The following PLXNA4 variants were observed in gnomAD, a reference collection of about 807,000 sequenced individuals.
PLXNA4 encodes plexin A4.
In PLXNA4, 44 loss-of-function variants were observed where a neutral mutation model predicts 191.8. The ratio of observed to expected loss-of-function variants is 0.23; its 90% CI spans 0.18 to 0.29. PLXNA4 has a LOEUF of 0.29. Ranked by LOEUF, PLXNA4 falls within the 10% of genes least tolerant of loss-of-function variation. The pLI is 1.00. For missense variants in PLXNA4, 1,800 were observed against 2,488.8 expected (o/e 0.72, Z 5.89); for synonymous variants, 1,082 against 1,009.5 (o/e 1.07, Z -1.36).
intron 3 of PLXNA4, among the ~76,000 whole-genome samples, chr7:132,344,907 C>T (rs1803183794): frequency 6.6e-6 from 1 of 152,108 alleles, no homozygotes. Flanking sequence ...TTTCCCCACC[C>T]CAGTAAGAGG....
chr7:132,347,569 G>A (rs1439014521), intron 3 of PLXNA4, among the ~76,000 whole-genome samples: 9 of 152,186 alleles, frequency 5.9e-5, no homozygotes, highest in Admixed American at 6.5e-5. Context: ...CCAAAAAGCC[G>A]TCCAAAATCG....
Position 132,181,546 on chromosome 7 carries a change from T to G in PLXNA4, c.3327A>C (p.Ser1109=), listed in dbSNP as rs1562903837. ...PALALGPDHQ[S]DLTERPEEFG... ...ACTCCTCGGGCCTCTCGGTCAGGTC[T>G]GACTGGTGGTCAGGACCCAGAGCGA... The change falls in exon 18 of 32, where the codon TCA becomes TCC. Residue 1109 remains serine, a synonymous_variant. Coordinates refer to ENST00000321063, the MANE Select transcript of PLXNA4 (RefSeq NM_020911.2). 6.2e-7 allele frequency: 1 copy of G among 1,614,150 alleles called. No individual in the cohort carries two copies. Among genetic ancestry groups the G allele is most frequent in the Non-Finnish European group, 8.5e-7 (1 of 1,180,024 alleles).
intron 3 of PLXNA4, among the ~76,000 whole-genome samples, chr7:132,397,821 A>G (rs1793825226): frequency 6.6e-6 from 1 of 152,234 alleles, no homozygotes; most frequent in African/African-American, 2.4e-5. Context: ...AGCAATAGCT[A>G]AGGACAGTAT....
chr7:132,333,963 A>G (rs777990646), intron 3 of PLXNA4, among the ~76,000 whole-genome samples: 16 of 152,124 alleles, frequency 1.1e-4, no homozygotes, highest in Admixed American at 5.2e-4. Flanking sequence ...CCATGTTTAT[A>G]AGGTCCTTTG....
intron 2 of PLXNA4, among the ~76,000 whole-genome samples, chr7:132,620,171 A>C (rs1286818270): frequency 6.6e-6 from 1 of 152,164 alleles, no homozygotes; most frequent in Non-Finnish European, 1.5e-5. Context: ...ATCACCTACC[A>C]GTCTTGAAAG....
At chr7:132,383,281 A>G (rs995094386) in intron 3 of PLXNA4, among the ~76,000 whole-genome samples, 1 of 152,196 alleles carries the variant, frequency 6.6e-6, no homozygotes, top group Non-Finnish European at 1.5e-5. Flanking sequence ...TGCACACACC[A>G]GGATTGGACA....
intron 21 of PLXNA4, among the ~76,000 whole-genome samples, 194 bp from the exon 22 acceptor site, chr7:132,168,766 G>C (rs1796197250): frequency 6.6e-6 from 1 of 152,234 alleles, no homozygotes; most frequent in Non-Finnish European, 1.5e-5. Flanking sequence ...CTAGTTTAGA[G>C]ATGAATCAAT....
At chr7:132,210,651 C>G (rs934748926) in intron 10 of PLXNA4, among the ~76,000 whole-genome samples, 1 of 152,216 alleles carries the variant, frequency 6.6e-6, no homozygotes, top group Non-Finnish European at 1.5e-5. Context: ...ACAGGGCTCA[C>G]AGCTCCACGG....
chr7:132,524,139 G>T (rs951063455), intron 1 of PLXNA4, among the ~76,000 whole-genome samples: 8 of 152,204 alleles, frequency 5.3e-5, no homozygotes, highest in Admixed American at 5.2e-4. Context: ...CCTGCAAAAA[G>T]CCCCATAGAG....
intron 24 of PLXNA4, among the ~76,000 whole-genome samples, chr7:132,163,325 G>A (rs1308698637): frequency 2.0e-5 from 3 of 152,206 alleles, no homozygotes; most frequent in African/African-American, 7.2e-5. Flanking sequence ...TATGACGCGG[G>A]CTTCACTGCC....
At chr7:132,563,684 T>C (rs1801506985) in intron 1 of PLXNA4, among the ~76,000 whole-genome samples, 1 of 120,830 alleles carries the variant, frequency 8.3e-6, no homozygotes, top group Non-Finnish European at 1.7e-5. Flanking sequence ...CTCTTTCTCC[T>C]CCTCCTCCTC....
chr7:132,176,793 AGT>A (rs1230822239), intron 20 of PLXNA4, among the ~76,000 whole-genome samples: 1 of 151,156 alleles, frequency 6.6e-6, no homozygotes, highest in African/African-American at 2.4e-5. Context: ...TATGCTTGTC[AGT>A]GTGAGTGTGC....
chr7:132,564,009 TCTCCTC>T (rs1210459974), intron 1 of PLXNA4, among the ~76,000 whole-genome samples: 1 of 28,148 alleles, frequency 3.6e-5, no homozygotes. Context: ...TCCTCCTCCT[TCTCCTC>T]CTCCTTCTCC....
intron 3 of PLXNA4, among the ~76,000 whole-genome samples, chr7:132,361,220 T>C (rs1478758608): frequency 2.0e-5 from 3 of 152,130 alleles, no homozygotes; most frequent in African/African-American, 7.2e-5. Flanking sequence ...ATGACAATCA[T>C]GAGGGCTGTC....
At chr7:132,438,727 T>C (rs987015270) in intron 3 of PLXNA4, among the ~76,000 whole-genome samples, 2 of 152,250 alleles carry the variant, frequency 1.3e-5, no homozygotes, top group Non-Finnish European at 2.9e-5. Flanking sequence ...TAGCTGTTTT[T>C]AAAAATTACA....
chr7:132,539,350 G>A lies in PLXNA4; in HGVS notation c.-86-30571C>T, dbSNP rs374833408. Among the ~76,000 whole-genome samples the A allele has an allele frequency of 4.7e-4, 71 of 152,296 alleles. 1 individual carries two copies. The highest frequency in any genetic ancestry group is 1.5e-3 in the African/African-American group (63 of 41,564). ...AGCTCACAATACATTCCAAATTACC[G>A]GCAGTTACGAATTGGAGGGCTCCAG... On this transcript the variant is annotated intron_variant, in intron 1 of 31. Coordinates refer to ENST00000321063, the MANE Select transcript of PLXNA4 (RefSeq NM_020911.2).
At chr7:132,450,547 T>C (rs537893589) in intron 3 of PLXNA4, among the ~76,000 whole-genome samples, 1 of 152,316 alleles carries the variant, frequency 6.6e-6, no homozygotes, top group East Asian at 1.9e-4. Flanking sequence ...CATGTTCATT[T>C]CACTCCTCCT....
intron 3 of PLXNA4, among the ~76,000 whole-genome samples, chr7:132,403,146 A>G (rs968710631): frequency 2.6e-5 from 4 of 152,148 alleles, no homozygotes; most frequent in Admixed American, 1.3e-4. Context: ...ATGAGAGAAG[A>G]TGATCTCTCC....
At chr7:132,391,630 C>A (rs1007589402) in intron 3 of PLXNA4, among the ~76,000 whole-genome samples, 1 of 152,178 alleles carries the variant, frequency 6.6e-6, no homozygotes, top group African/African-American at 2.4e-5. Flanking sequence ...GGCTACCCAG[C>A]AGGGGTGGAC....
Sources: allele counts gnomAD v4.1 joint callset (sites outside exome capture counted in the v4.1 genomes callset), GRCh38; gene constraint gnomAD v4.1.1; transcripts MANE v1.5; gene names NCBI Gene and HGNC (gene_info 2026-07-23, HGNC 2026-07-21).